LNP1: variants seen among roughly 807,000 people sequenced by gnomAD.
The protein encoded by LNP1 is leukemia NUP98 fusion partner 1.
Under a neutral mutation model 14.5 loss-of-function variants are expected in LNP1, and 12 were observed. That is an observed-to-expected ratio of 0.83 (90% CI 0.53 to 1.34). The LOEUF is 1.34. Among genes scored for constraint, LNP1 ranks in the 40% most tolerant of loss-of-function variants. LNP1 has a pLI of 0.00. For missense variants in LNP1, 198 were observed against 210.9 expected, an observed-to-expected ratio of 0.94 and a Z score of 0.38; for synonymous variants, 75 against 71.4, an observed-to-expected ratio of 1.05 and a Z score of -0.26.
intron 2 of LNP1, among the ~76,000 whole-genome samples, chr3:100,438,525 T>C (rs983682956): frequency 1.3e-5 from 2 of 152,188 alleles, no homozygotes; most frequent in African/African-American, 2.4e-5. Flanking sequence ...CTGTTGTACA[T>C]TTTATGGGTT....
intron 2 of LNP1, among the ~76,000 whole-genome samples, chr3:100,433,123 T>C (rs1396667124): frequency 1.2e-4 from 19 of 152,220 alleles, no homozygotes; most frequent in Non-Finnish European, 1.5e-5. Flanking sequence ...TGGGTGTACA[T>C]GTGCCATGGT....
chr3:100,423,618 C>G (rs766134505), intron 1 of LNP1, among the ~76,000 whole-genome samples: 1 of 152,138 alleles, frequency 6.6e-6, no homozygotes. Flanking sequence ...CCATGATATC[C>G]GTTCACTTTA....
chr3:100,442,772 T>G (rs1322387392), intron 2 of LNP1, among the ~76,000 whole-genome samples: 1 of 152,188 alleles, frequency 6.6e-6, no homozygotes, highest in Non-Finnish European at 1.5e-5. Context: ...TCCCTCCTTT[T>G]TTTAAAAATA....
intron 1 of LNP1, among the ~76,000 whole-genome samples, chr3:100,407,033 C>T (rs1211137106): frequency 6.6e-6 from 1 of 152,192 alleles, no homozygotes; most frequent in African/African-American, 2.4e-5. Flanking sequence ...TATCCATCAA[C>T]AAGTTGCTGT....
chr3:100,431,990 GTTTATATATATATATA>G (rs1559843868), intron 2 of LNP1, among the ~76,000 whole-genome samples: 3 of 94,950 alleles, frequency 3.2e-5, no homozygotes, highest in African/African-American at 1.5e-4. Context: ...ATGAGACCTT[GTTTATATATATATATA>G]TATATATATA....
At chr3:100,450,638 G>C (rs984130333) in intron 2 of LNP1, among the ~76,000 whole-genome samples, 1 of 152,112 alleles carries the variant, frequency 6.6e-6, no homozygotes, top group African/African-American at 2.4e-5. Flanking sequence ...CGCCTGGCCT[G>C]GATGTCAATC....
chr3:100,442,168 T>G (rs1014850685), intron 2 of LNP1, among the ~76,000 whole-genome samples: 7 of 152,208 alleles, frequency 4.6e-5, no homozygotes, highest in Non-Finnish European at 1.0e-4. Context: ...TGGCGTCTTT[T>G]GTTTTAGTGT....
At chr3:100,415,932 T>C (rs920088980) in intron 1 of LNP1, among the ~76,000 whole-genome samples, 1 of 152,186 alleles carries the variant, frequency 6.6e-6, no homozygotes, top group Non-Finnish European at 1.5e-5. Flanking sequence ...AAAAAAAGGT[T>C]GTATTGTCAC....
intron 1 of LNP1, among the ~76,000 whole-genome samples, chr3:100,411,097 G>A (rs1279535366): frequency 6.6e-6 from 1 of 152,202 alleles, no homozygotes; most frequent in African/African-American, 2.4e-5. Context: ...GGGGCAGAGA[G>A]TTGAACCCAA....
At chr3:100,448,460 C>T (rs751984873) in intron 2 of LNP1, among the ~76,000 whole-genome samples, 8 of 152,080 alleles carry the variant, frequency 5.3e-5, no homozygotes, top group Non-Finnish European at 1.2e-4. Flanking sequence ...GAGTAAAGAT[C>T]ATTCTGTTTT....
At chr3:100,419,050 T>C (rs1009869655) in intron 1 of LNP1, among the ~76,000 whole-genome samples, 3 of 152,188 alleles carry the variant, frequency 2.0e-5, no homozygotes, top group Admixed American at 6.5e-5. Flanking sequence ...GTTGGTGGTT[T>C]GACCCCACAA....
At chr3:100,404,527 G>C (rs563660527) in intron 1 of LNP1, among the ~76,000 whole-genome samples, 14 of 152,194 alleles carry the variant, frequency 9.2e-5, no homozygotes, top group Non-Finnish European at 2.1e-4. Flanking sequence ...CACAGCTCTA[G>C]ATATTCCTCA....
chr3:100,415,045 C>T (rs1205707570), intron 1 of LNP1, among the ~76,000 whole-genome samples: 2 of 151,688 alleles, frequency 1.3e-5, no homozygotes, highest in Non-Finnish European at 2.9e-5. Context: ...GATTAAAAAC[C>T]CAGAAAACTA....
Position 100,448,446 on chromosome 3 carries a change from A to G in LNP1, c.157-3273A>G, listed in dbSNP as rs1576237096. ...ATCAATGTCATATTTATTAAATATT[A>G]CATGAGTAAAGATCATTCTGTTTTT... On this transcript the variant is annotated intron_variant, in intron 2 of 3. Transcript: ENST00000383693. 2.0e-5 allele frequency among the ~76,000 whole-genome samples: 3 copies of G among 152,352 alleles called. No individual in the cohort carries two copies. In the East Asian group the frequency reaches 5.8e-4, roughly 29 times the overall value.
rs1252714632 is a variant in LNP1, at chr3:100,433,606, G to GT, written c.156+3722dup. 2.6e-5 allele frequency among the ~76,000 whole-genome samples: 4 copies of GT among 152,260 alleles called. No individual in the cohort carries two copies. In the East Asian group the frequency reaches 7.7e-4, roughly 29 times the overall value. On this transcript the variant is annotated intron_variant, in intron 2 of 3. Coordinates refer to ENST00000383693, the MANE Select transcript of LNP1 (RefSeq NM_001085451.2). ...AGTAATGGGATTGCTGGGTCAAATG[G>GT]TATTTCTCATTCTAGATCCTTGAGG...
At chr3:100,433,014 T>C (rs1321634453) in intron 2 of LNP1, among the ~76,000 whole-genome samples, 1 of 152,178 alleles carries the variant, frequency 6.6e-6, no homozygotes, top group Non-Finnish European at 1.5e-5. Flanking sequence ...CTTTGAAGGA[T>C]ACAGAATAAG....
At chr3:100,423,294 AG>A (rs1483586412) in intron 1 of LNP1, among the ~76,000 whole-genome samples, 1 of 152,160 alleles carries the variant, frequency 6.6e-6, no homozygotes, top group Non-Finnish European at 1.5e-5. Flanking sequence ...GTTAAGAAAA[AG>A]AAAAACGAAA....
intron 1 of LNP1, 53 bp from the exon 2 acceptor site, chr3:100,429,644 C>G (rs1311471454): frequency 8.4e-7 from 1 of 1,195,900 alleles, no homozygotes. Flanking sequence ...TGGGAGAGAT[C>G]CTGGGTTTCA....
At chr3:100,431,401 C>A (rs1402414332) in intron 2 of LNP1, among the ~76,000 whole-genome samples, 1 of 152,178 alleles carries the variant, frequency 6.6e-6, no homozygotes, top group Non-Finnish European at 1.5e-5. Flanking sequence ...CTGCTTATCC[C>A]TGCTTCGGGC....
Sources: allele counts gnomAD v4.1 joint callset (sites outside exome capture counted in the v4.1 genomes callset), GRCh38; gene constraint gnomAD v4.1.1; transcripts MANE v1.5; gene names NCBI Gene and HGNC (gene_info 2026-07-23, HGNC 2026-07-21).